The following SCRN2 variants were observed in gnomAD, a reference collection of about 807,000 sequenced individuals.
The protein encoded by SCRN2 is secernin 2, also known as secernin-2.
Under a neutral mutation model 40.1 loss-of-function variants are expected in SCRN2, and 30 were observed. That is an observed-to-expected ratio of 0.75 (90% CI 0.56 to 1.01). The LOEUF (loss-of-function observed/expected upper bound fraction) is 1.01. Among genes scored for constraint, SCRN2 ranks in the 50% least tolerant of loss-of-function variants. The pLI, the probability that SCRN2 is intolerant of heterozygous loss-of-function variation, is 0.00. For missense variants in SCRN2, 526 were observed against 564.9 expected, an observed-to-expected ratio of 0.93 and a Z score of 0.70; for synonymous variants, 240 against 233.5, an observed-to-expected ratio of 1.03 and a Z score of -0.25.
rs757451151 is a variant in SCRN2, at chr17:47,837,864, C to G, written c.1258G>C (p.Glu420Gln). 15 of 1,601,278 alleles carry G rather than the reference C, an allele frequency of 9.4e-6. No individual in the cohort carries two copies. Among genetic ancestry groups the G allele is most frequent in the Admixed American group, 1.7e-5 (1 of 59,802 alleles). The change falls in exon 8 of 8, where the codon GAG (glutamate) becomes CAG (glutamine). Residue 420 changes from glutamate to glutamine, a missense_variant. Physicochemically the swap from Glu to Gln is conservative, Grantham distance 29 (BLOSUM62 2). Coordinates refer to ENST00000290216, the MANE Select transcript of SCRN2 (RefSeq NM_138355.4). ...GSLFQAFVKR[E>Q]SQAYA ...GAAGCTTACGCATAAGCCTGGCTCT[C>G]CCTCTTCACGAAGGCCTGGAAGAGG...
At position 47,837,942 on chromosome 17, in the gene SCRN2, T is replaced by C. The variant is rs753793220; in HGVS notation, c.1180A>G (p.Thr394Ala). Reference protein sequence around the residue: ...QDLEQEGLEATQGLLAGEWAP... With the variant: ...QDLEQEGLEAAQGLLAGEWAP... ...CACTCGCCGGCCAGCAGCCCCTGTGTGGCCTCGAGGCCTTCCTGCTCCAGA... is the reference window on the plus strand; with the variant it reads ...CACTCGCCGGCCAGCAGCCCCTGTGCGGCCTCGAGGCCTTCCTGCTCCAGA... Residue 394 changes from threonine to alanine, a missense_variant, in exon 8 of 8, where the codon ACA becomes GCA. Coordinates refer to ENST00000290216, the MANE Select transcript of SCRN2 (RefSeq NM_138355.4). 1.0e-5 allele frequency: 16 copies of C among 1,606,588 alleles called. No individual in the cohort carries two copies. The highest frequency in any genetic ancestry group is 6.7e-5 in the Admixed American group (4 of 59,342).
Position 47,841,108 on chromosome 17 carries a change from T to C in SCRN2, c.-1+100A>G, listed in dbSNP as rs368513514. ...CGGAGCAGTCGTGGGACCGTCCCCC[T>C]CGCTACCCCACCAAGAGTCCTGCGG... is the stretch of plus-strand genomic sequence containing the variant. On this transcript the variant is annotated intron_variant, in intron 1 of 7. Coordinates refer to ENST00000290216, the MANE Select transcript of SCRN2 (RefSeq NM_138355.4). 29 of 360,342 alleles carry C rather than the reference T, an allele frequency of 8.0e-5. 1 individual carries two copies. The Admixed American group carries it at 8.6e-4, about 11-fold the overall frequency. 22.3% of individuals were successfully genotyped at this position (360,342 alleles called of 1,614,324 possible).
intron 4 of SCRN2, 66 bp from the exon 5 acceptor site, chr17:47,839,072 G>T: frequency 6.5e-7 from 1 of 1,537,230 alleles, no homozygotes; most frequent in Non-Finnish European, 8.9e-7. Flanking sequence ...GGCACTGGGC[G>T]AGGTGCTGAG....
At chr17:47,840,482 A>G (rs1481405150) in intron 2 of SCRN2, 110 bp from the exon 3 acceptor site, 7 of 1,352,000 alleles carry the variant, frequency 5.2e-6, no homozygotes, top group African/African-American at 1.5e-5. Context: ...TCTCATTCCC[A>G]TTTTACAGAA....
At chr17:47,841,184 C>A (rs1056236383) in intron 1 of SCRN2, 24 bp downstream of exon 1, 1 of 219,774 alleles carries the variant, frequency 4.6e-6, no homozygotes, top group Non-Finnish European at 9.0e-6. Flanking sequence ...CCTTCTCTCA[C>A]CCCCAGTACT....
At chr17:47,838,060 G>A in intron 7 of SCRN2, 58 bp from the exon 8 acceptor site, 1 of 1,580,528 alleles carries the variant, frequency 6.3e-7, no homozygotes, top group Non-Finnish European at 8.5e-7. Flanking sequence ...GCCAGGTGAA[G>A]GGGGGACTGT....
Position 47,838,334 on chromosome 17 carries a change from A to G in SCRN2, c.1055T>C (p.Val352Ala), listed in dbSNP as rs867357293. Residue 352 changes from valine to alanine, a missense_variant, in exon 7 of 8, where the codon GTA (valine) becomes GCA (alanine). Coordinates refer to ENST00000290216, the MANE Select transcript of SCRN2 (RefSeq NM_138355.4). ...VRTLPRFQTQVDRRHTLYRGH... is the reference protein window; with the variant it reads ...VRTLPRFQTQADRRHTLYRGH... ...ACGGTAGAGGGTATGCCGACGATCT[A>G]CCTGAGTCTGGAATCGGGGCAGGGT... is the stretch of plus-strand genomic sequence containing the variant. The G allele has an allele frequency of 6.2e-7, 1 of 1,608,338 alleles. No individual in the cohort carries two copies. The highest frequency in any genetic ancestry group is 1.3e-5 in the African/African-American group (1 of 74,644).
chr17:47,839,613 C>T lies in SCRN2; in HGVS notation c.387G>A (p.Gln129=), dbSNP rs751151439. 16 of 1,613,980 alleles carry T rather than the reference C, an allele frequency of 9.9e-6. No individual in the cohort carries two copies. The highest frequency in any genetic ancestry group is 1.4e-5 in the Non-Finnish European group (16 of 1,180,048). The change falls in exon 4 of 8, where the codon CAG becomes CAA. Residue 129 remains glutamine, a synonymous_variant. Transcript: ENST00000290216. The stretch of plus-strand genomic sequence containing the variant: ...ACCCTGTGATCACATGCAAGGCCTC[C>T]TGGGCAGAGCTGCTCCGTTCCAAAG... The part of the protein sequence containing the change: ...RLALERSSSA[Q]EALHVITGLL...
rs2033798754 is a variant in SCRN2 at position 47,840,460 on chromosome 17, C to G, written c.175-88G>C. ...ACTCTGCCAATTACCTTATAGATCC[C>G]TTTGAGGAAGGTCTCATTCCCATTT... On this transcript the variant is annotated intron_variant, in intron 2 of 7. Transcript: ENST00000290216. The G allele has an allele frequency of 4.1e-6, 6 of 1,449,066 alleles. No homozygotes were observed. The South Asian group carries it at 7.6e-5, about 18-fold the overall frequency. 89.8% of individuals were successfully genotyped at this position (1,449,066 alleles called of 1,614,324 possible).
At chr17:47,840,893 G>A in intron 1 of SCRN2, 50 bp from the exon 2 acceptor site, 1 of 1,428,662 alleles carries the variant, frequency 7.0e-7, no homozygotes, top group Non-Finnish European at 9.2e-7. Flanking sequence ...TCAGCCCCGA[G>A]GAGCAGCCTA....
chr17:47,840,897 C>G, intron 1 of SCRN2, 54 bp from the exon 2 acceptor site: 1 of 1,407,466 alleles, frequency 7.1e-7, no homozygotes. Context: ...CCCCGAGGAG[C>G]AGCCTACCCC....
intron 3 of SCRN2, 67 bp downstream of exon 3, chr17:47,840,124 C>T (rs2033790255): frequency 6.6e-7 from 1 of 1,517,400 alleles, no homozygotes; most frequent in Non-Finnish European, 8.9e-7. Flanking sequence ...GATGGATGGG[C>T]CCAGGTCAAA....
Position 47,838,787 on chromosome 17 carries a change from T to A in SCRN2, c.772+4A>T. 1 of 1,612,732 alleles carries A rather than the reference T, an allele frequency of 6.2e-7. No individual in the cohort carries two copies. The highest frequency in any genetic ancestry group is 1.1e-5 in the South Asian group (1 of 91,070). On this transcript the variant is annotated splice_donor_region_variant and intron_variant, in intron 5 of 7. Transcript: ENST00000290216. Reference sequence around the variant, plus strand: ...GCCCCCAGCCCCCTCCACCGTTCACTAACCTTGCCGTTGCCGCAGCAGCTC... The same window carrying A: ...GCCCCCAGCCCCCTCCACCGTTCACAAACCTTGCCGTTGCCGCAGCAGCTC...
chr17:47,840,735 G>A lies in SCRN2; in HGVS notation c.109C>T (p.Arg37Trp). The change falls in exon 2 of 8, where the codon CGG (arginine) becomes TGG (tryptophan). Residue 37 changes from arginine (R) to tryptophan (W), a missense_variant. Coordinates refer to ENST00000290216, the MANE Select transcript of SCRN2 (RefSeq NM_138355.4). The part of the protein sequence containing the change: ...VIFAKNSDRP[R>W]DEVQEVVFVP... ...AACACCACCTCCTGCACCTCGTCCC[G>A]GGGTCGGTCCGAGTTCTTGGCAAAG... 2.5e-6 allele frequency: 4 copies of A among 1,600,484 alleles called. No individual in the cohort carries two copies. The highest frequency in any genetic ancestry group is 3.4e-6 in the Non-Finnish European group (4 of 1,173,096).
At position 47,838,322 on chromosome 17, in the gene SCRN2, T is replaced by G; in HGVS notation, c.1067A>C (p.His356Pro). Reference protein sequence around the residue: ...PRFQTQVDRRHTLYRGHQAAL... With the variant: ...PRFQTQVDRRPTLYRGHQAAL... The stretch of plus-strand genomic sequence containing the variant: ...TGCCTGGTGTCCACGGTAGAGGGTA[T>G]GCCGACGATCTACCTGAGTCTGGAA... Residue 356 changes from histidine to proline, a missense_variant, in exon 7 of 8, where the codon CAT (histidine) becomes CCT (proline). His to Pro is a moderately conservative substitution (Grantham distance 77). Transcript: ENST00000290216. 1 of 1,610,846 alleles carries G rather than the reference T, an allele frequency of 6.2e-7. No homozygotes were observed. Among genetic ancestry groups the G allele is most frequent in the Non-Finnish European group, 8.5e-7 (1 of 1,178,828 alleles).
intron 5 of SCRN2, 27 bp downstream of exon 5, chr17:47,838,764 C>T: frequency 5.6e-6 from 9 of 1,611,344 alleles, no homozygotes; most frequent in East Asian, 2.2e-5. Flanking sequence ...CCCTCCTGGC[C>T]CCCAGCCCCC....
Position 47,839,369 on chromosome 17 carries a change from G to A in SCRN2, c.556+75C>T. ...TCTCCCTGGATGTCCTGACAGGCTT[G>A]CACCTGGATCGGGCCCCTCCCTGCC... is the stretch of plus-strand genomic sequence containing the variant. On this transcript the variant is annotated intron_variant, in intron 4 of 7. Transcript: ENST00000290216. The A allele has an allele frequency of 6.8e-7, 1 of 1,474,438 alleles. No homozygotes were observed. The highest frequency in any genetic ancestry group is 9.3e-7 in the Non-Finnish European group (1 of 1,073,710). The allele number at this position is 1,474,438 out of a possible 1,614,324, so 91.3% of individuals were successfully genotyped here.
chr17:47,839,881 GAA>G, intron 3 of SCRN2: 2 of 601,646 alleles, frequency 3.3e-6, no homozygotes, highest in Non-Finnish European at 5.9e-6. Flanking sequence ...TTCAGAGAGA[GAA>G]GTGTCCTGAG....
At position 47,838,528 on chromosome 17, in the gene SCRN2, C is replaced by T. The variant is rs2033748097; in HGVS notation, c.938+3G>A. On this transcript the variant is annotated splice_donor_region_variant and intron_variant, in intron 6 of 7. Coordinates refer to ENST00000290216, the MANE Select transcript of SCRN2 (RefSeq NM_138355.4). ...CAGCCTTCCCCACCCTCATTCTTCC[C>T]ACCTGGATGGGTCTGGCGTGGCGGT... is the stretch of plus-strand genomic sequence containing the variant. The T allele has an allele frequency of 6.8e-6, 11 of 1,614,016 alleles. No homozygotes were observed. Among genetic ancestry groups the T allele is most frequent in the Non-Finnish European group, 9.3e-6 (11 of 1,179,990 alleles).
Sources: allele counts gnomAD v4.1 joint callset, GRCh38; gene constraint gnomAD v4.1.1; transcripts MANE v1.5; gene names NCBI Gene and HGNC (gene_info 2026-07-23, HGNC 2026-07-21).